KCNIP1: variants seen among roughly 807,000 people sequenced by gnomAD.
KCNIP1 encodes A-type potassium channel modulatory protein KCNIP1.
In KCNIP1, 18 loss-of-function variants were observed where a neutral mutation model predicts 33.0. The observed-to-expected ratio is 0.55, with a 90% CI of 0.38 to 0.81. The LOEUF is 0.81. Ranked by LOEUF, KCNIP1 falls within the 30% of genes least tolerant of loss-of-function variation. The pLI is 0.00. For missense variants in KCNIP1, 238 were observed against 271.6 expected, an observed-to-expected ratio of 0.88 and a Z score of 0.87; for synonymous variants, 93 against 98.3, an observed-to-expected ratio of 0.95 and a Z score of 0.32.
intron 1 of KCNIP1, among the ~76,000 whole-genome samples, chr5:170,509,641 A>C (rs908902794): frequency 2.6e-5 from 4 of 152,278 alleles, no homozygotes; most frequent in Admixed American, 1.3e-4. Flanking sequence ...AGAAAGAATG[A>C]TCGAATAAAT....
chr5:170,735,323 G>A (rs1431860997), intron 7 of KCNIP1, among the ~76,000 whole-genome samples: 1 of 152,014 alleles, frequency 6.6e-6, no homozygotes, highest in Non-Finnish European at 1.5e-5. Flanking sequence ...ATGGTTCAGA[G>A]AAGAAAATAT....
intron 1 of KCNIP1, among the ~76,000 whole-genome samples, chr5:170,715,517 A>C (rs967294894): frequency 6.6e-6 from 1 of 152,210 alleles, no homozygotes; most frequent in Admixed American, 6.5e-5. Context: ...AGCATCCTCT[A>C]GAGTTGGTGA....
At chr5:170,378,683 G>A (rs1417757601) in intron 1 of KCNIP1, 1 of 1,588,408 alleles carries the variant, frequency 6.3e-7, no homozygotes, top group Admixed American at 1.7e-5. Flanking sequence ...CTGACAAGTG[G>A]TATGGCATGG....
chr5:170,726,782 GC>G (rs1374419689), intron 5 of KCNIP1, among the ~76,000 whole-genome samples: 3 of 148,526 alleles, frequency 2.0e-5, no homozygotes, highest in African/African-American at 7.4e-5. Flanking sequence ...ATGGTGGTAA[GC>G]ACCTGTGGTC....
chr5:170,368,248 TTTTG>T lies in KCNIP1; in HGVS notation c.88+14312_88+14315del, dbSNP rs59715597. ...TGGATTAAAGGTGAGTTTTTAAAGT[TTTTG>T]TTTGTTTGTTTGTTTGTTTGTTTGT... On this transcript the variant is annotated intron_variant, in intron 1 of 7. Coordinates refer to the KCNIP1 transcript ENST00000377360. 8.5e-4 allele frequency among the ~76,000 whole-genome samples: 129 copies of T among 151,560 alleles called. 1 individual carries two copies. The highest frequency in any genetic ancestry group is 5.0e-3 in the East Asian group (26 of 5,164).
chr5:170,536,629 A>G (rs1331533098), intron 1 of KCNIP1, among the ~76,000 whole-genome samples: 1 of 152,174 alleles, frequency 6.6e-6, no homozygotes, highest in Admixed American at 6.5e-5. Flanking sequence ...GGAAGAGGCT[A>G]CAGTCCTCCC....
chr5:170,584,315 C>A (rs1757907011), intron 1 of KCNIP1, among the ~76,000 whole-genome samples: 1 of 152,150 alleles, frequency 6.6e-6, no homozygotes, highest in Non-Finnish European at 1.5e-5. Context: ...AAACTGCTTC[C>A]TTAATGTAGG....
At chr5:170,521,839 G>C (rs1242427408) in intron 1 of KCNIP1, among the ~76,000 whole-genome samples, 1 of 152,206 alleles carries the variant, frequency 6.6e-6, no homozygotes, top group African/African-American at 2.4e-5. Context: ...CTGAAACATA[G>C]AATTGTTTTT....
At chr5:170,719,030 T>A in intron 2 of KCNIP1, 148 bp downstream of exon 2, 2 of 1,070,900 alleles carry the variant, frequency 1.9e-6, no homozygotes, top group African/African-American at 1.7e-5. Flanking sequence ...GAGAGGGAGA[T>A]CACCTGGCTA....
chr5:170,620,304 C>T (rs1378597951), intron 1 of KCNIP1, among the ~76,000 whole-genome samples: 1 of 152,164 alleles, frequency 6.6e-6, no homozygotes. Context: ...GGGCTTGAAC[C>T]CAGCAGCTTA....
chr5:170,456,757 C>T (rs1756391391), intron 1 of KCNIP1, among the ~76,000 whole-genome samples: 1 of 132,044 alleles, frequency 7.6e-6, no homozygotes, highest in Admixed American at 7.2e-5. Flanking sequence ...CTAGCTCTGT[C>T]ACTCAGGCTG....
At chr5:170,594,229 G>C (rs1326341301) in intron 1 of KCNIP1, among the ~76,000 whole-genome samples, 1 of 152,078 alleles carries the variant, frequency 6.6e-6, no homozygotes, top group Non-Finnish European at 1.5e-5. Context: ...CATTTTTGTT[G>C]GTACCTCTTC....
At chr5:170,686,848 T>C (rs1762552118) in intron 1 of KCNIP1, among the ~76,000 whole-genome samples, 1 of 152,200 alleles carries the variant, frequency 6.6e-6, no homozygotes, top group Admixed American at 6.5e-5. Flanking sequence ...TCCTCCTTTA[T>C]TTCCCTCAAG....
At chr5:170,488,714 C>G (rs1225882477) in intron 1 of KCNIP1, among the ~76,000 whole-genome samples, 1 of 152,094 alleles carries the variant, frequency 6.6e-6, no homozygotes, top group African/African-American at 2.4e-5. Context: ...GGGGGAGAGG[C>G]CGCATGACAT....
chr5:170,589,723 A>ATGTGGTGTGGTGTGGTGTGG (rs70979189), intron 1 of KCNIP1, among the ~76,000 whole-genome samples: 14 of 132,508 alleles, frequency 1.1e-4, no homozygotes, highest in African/African-American at 3.0e-4. Context: ...GTGTGGTGTG[A>ATGTGGTGTGGTGTGGTGTGG]TGTGGTGTGG....
intron 1 of KCNIP1, among the ~76,000 whole-genome samples, chr5:170,397,289 T>C (rs904796707): frequency 1.3e-5 from 2 of 152,194 alleles, no homozygotes; most frequent in South Asian, 2.1e-4. Context: ...AGACACCTGA[T>C]CTCCTTTGGT....
intron 1 of KCNIP1, among the ~76,000 whole-genome samples, chr5:170,640,028 A>G (rs1370924686): frequency 6.6e-6 from 1 of 152,180 alleles, no homozygotes; most frequent in African/African-American, 2.4e-5. Context: ...CCCAAGTGGA[A>G]CCATGGAGCA....
intron 1 of KCNIP1, among the ~76,000 whole-genome samples, chr5:170,418,776 C>T (rs1056240104): frequency 6.6e-6 from 1 of 152,216 alleles, no homozygotes; most frequent in African/African-American, 2.4e-5. Flanking sequence ...GGGTTCTCTG[C>T]TGGATCACCA....
At chr5:170,570,997 A>C (rs959462715) in intron 1 of KCNIP1, among the ~76,000 whole-genome samples, 6 of 152,226 alleles carry the variant, frequency 3.9e-5, no homozygotes, top group Non-Finnish European at 7.3e-5. Flanking sequence ...TCCCAAAGCC[A>C]ATCAAAAAGT....
Sources: allele counts gnomAD v4.1 joint callset (sites outside exome capture counted in the v4.1 genomes callset), GRCh38; gene constraint gnomAD v4.1.1; transcripts MANE v1.5; gene names NCBI Gene and HGNC (gene_info 2026-07-23, HGNC 2026-07-21).